Variants in IFT88 observed in about 807,000 individuals in gnomAD.
IFT88 encodes the protein intraflagellar transport protein 88 homolog.
A neutral mutation model predicts 119.5 loss-of-function variants in IFT88; 74 were observed. The ratio of observed to expected loss-of-function variants is 0.62; its 90% CI spans 0.51 to 0.75. The LOEUF is 0.75. Ranked by LOEUF, IFT88 falls within the 30% of genes least tolerant of loss-of-function variation. The pLI is 0.00. For synonymous variants in IFT88, 279 were observed against 316.7 expected (o/e 0.88, Z 1.26); for missense variants, 961 against 977.7 (o/e 0.98, Z 0.23).
At chr13:20,580,474 G>A (rs1046614974) in intron 2 of IFT88, among the ~76,000 whole-genome samples, 5 of 151,648 alleles carry the variant, frequency 3.3e-5, no homozygotes, top group African/African-American at 1.2e-4. Flanking sequence ...CCAAGATCAC[G>A]CCATTGCACA....
intron 1 of IFT88, among the ~76,000 whole-genome samples, chr13:20,568,983 G>GT (rs921592173): frequency 2.6e-5 from 4 of 152,090 alleles, no homozygotes; most frequent in Admixed American, 2.6e-4. Context: ...GCCTCCCAGA[G>GT]TGTTGGGATT....
At chr13:20,628,786 GTTTT>G (rs893023058) in intron 15 of IFT88, among the ~76,000 whole-genome samples, 3 of 152,100 alleles carry the variant, frequency 2.0e-5, no homozygotes, top group Non-Finnish European at 2.9e-5. Flanking sequence ...CCTTTGCCAA[GTTTT>G]TTAAGTAATG....
At position 20,691,231 on chromosome 13, in the gene IFT88, G is replaced by A; in HGVS notation, c.*56G>A. 2.7e-6 allele frequency: 4 copies of A among 1,481,844 alleles called. No individual in the cohort carries two copies. Among genetic ancestry groups the A allele is most frequent in the Non-Finnish European group, 3.7e-6 (4 of 1,086,238 alleles). 91.8% of individuals were successfully genotyped at this position (1,481,844 alleles called of 1,614,324 possible). ...AATTGCCTTATGAGATCATCCTCAT[G>A]TTAAACCTTGGATTAAATATCTAAC... On this transcript the variant is annotated 3_prime_UTR_variant, in exon 26 of 26. Transcript: ENST00000351808.
intron 24 of IFT88, among the ~76,000 whole-genome samples, chr13:20,689,143 A>T (rs2058240398): frequency 6.6e-6 from 1 of 152,158 alleles, no homozygotes; most frequent in Non-Finnish European, 1.5e-5. Flanking sequence ...CATGTTGCTC[A>T]GTCTGGCCCC....
At position 20,591,011 on chromosome 13, in the gene IFT88, G is replaced by A; in HGVS notation, c.255G>A (p.Gly85=). The A allele has an allele frequency of 6.2e-7, 1 of 1,608,096 alleles. No homozygotes were observed. The change falls in exon 5 of 26, where the codon GGG becomes GGA. Residue 85 remains glycine, a synonymous_variant. Coordinates refer to ENST00000351808, the MANE Select transcript of IFT88 (RefSeq NM_006531.5). ...LASSIGRPMT[G]AIQDGVTRPM... Reference sequence around the variant, plus strand: ...CATCAATAGGAAGACCAATGACAGGGGCTATTCAGGTATCTCTATTGGATG... The same window carrying A: ...CATCAATAGGAAGACCAATGACAGGAGCTATTCAGGTATCTCTATTGGATG...
At chr13:20,609,745 AAAAC>A (rs1344285298) in intron 13 of IFT88, among the ~76,000 whole-genome samples, 7 of 150,720 alleles carry the variant, frequency 4.6e-5, no homozygotes, top group Admixed American at 2.0e-4. Flanking sequence ...CTCTGTCTCA[AAAAC>A]AAACAAACAA....
intron 3 of IFT88, among the ~76,000 whole-genome samples, chr13:20,588,035 C>G (rs1282773645): frequency 8.8e-6 from 1 of 113,000 alleles, no homozygotes; most frequent in African/African-American, 3.4e-5. Context: ...ATTTCATTTT[C>G]TCTCCTTACT....
In IFT88 at chr13:20,588,176, A is replaced by G. The variant is rs376868495; in HGVS notation, c.154-1635A>G. On this transcript the variant is annotated intron_variant, in intron 3 of 25. Transcript: ENST00000351808. ...ACTCATCTCTAACTTTTTAAAGTCTAGTATAAATTAACAGTTTTACTACTG... is the reference window on the plus strand; with the variant it reads ...ACTCATCTCTAACTTTTTAAAGTCTGGTATAAATTAACAGTTTTACTACTG... 2.3e-3 allele frequency among the ~76,000 whole-genome samples: 356 copies of G among 152,176 alleles called. 1 individual carries two copies. Among genetic ancestry groups the G allele is most frequent in the South Asian group, 0.017 (82 of 4,828 alleles).
At chr13:20,602,230 A>G (rs12865114) in intron 12 of IFT88, among the ~76,000 whole-genome samples, 55,621 of 128,512 alleles carry the variant, frequency 0.43, 12,977 homozygotes, top group Middle Eastern at 0.61. Context: ...TTTTTTTGAG[A>G]CAGAGAGCCT....
chr13:20,609,850 C>T (rs940673179), intron 13 of IFT88, among the ~76,000 whole-genome samples: 3 of 152,134 alleles, frequency 2.0e-5, no homozygotes, highest in Non-Finnish European at 4.4e-5. Flanking sequence ...CAGTAGGTAA[C>T]CCTGAGTGCT....
chr13:20,657,098 C>T (rs531157873), intron 22 of IFT88, among the ~76,000 whole-genome samples: 37 of 152,156 alleles, frequency 2.4e-4, no homozygotes, highest in Admixed American at 2.0e-3. Flanking sequence ...CGTTGTGATC[C>T]GCCTACCTTG....
intron 22 of IFT88, among the ~76,000 whole-genome samples, chr13:20,662,169 A>G (rs1437815513): frequency 6.6e-6 from 1 of 152,202 alleles, no homozygotes; most frequent in Non-Finnish European, 1.5e-5. Context: ...TCTGCTGGTG[A>G]TACCCAGGCA....
rs560202607 is a variant in IFT88, at chr13:20,574,439, C to G, written c.54C>G (p.Ser18=). The G allele has an allele frequency of 6.2e-7, 1 of 1,610,008 alleles. No individual in the cohort carries two copies. Among genetic ancestry groups the G allele is most frequent in the South Asian group, 1.1e-5 (1 of 90,588 alleles). Residue 18 remains serine (S), a synonymous_variant, in exon 2 of 26, where the codon TCC becomes TCG. Coordinates refer to ENST00000351808, the MANE Select transcript of IFT88 (RefSeq NM_006531.5). ...APETDEDDLY[S]GYNDYNPIYD... The stretch of plus-strand genomic sequence containing the variant: ...AGACAGATGAAGATGATCTTTATTC[C>G]GGCTATAATGACTACAATCCAATCT...
chr13:20,644,376 C>T (rs1360701498), intron 19 of IFT88, among the ~76,000 whole-genome samples: 1 of 152,028 alleles, frequency 6.6e-6, no homozygotes, highest in Non-Finnish European at 1.5e-5. Flanking sequence ...TGTGGCATGC[C>T]TGTAATCCTA....
chr13:20,671,619 A>G (rs187615475), intron 24 of IFT88, among the ~76,000 whole-genome samples: 55 of 152,326 alleles, frequency 3.6e-4, no homozygotes, highest in African/African-American at 1.3e-3. Flanking sequence ...ATCATTACAT[A>G]ATAAGACATT....
intron 15 of IFT88, among the ~76,000 whole-genome samples, chr13:20,626,958 C>T (rs2047435709): frequency 6.6e-6 from 1 of 152,182 alleles, no homozygotes; most frequent in African/African-American, 2.4e-5. Flanking sequence ...TTCAGTTTAT[C>T]TTCCTATTTA....
At chr13:20,637,320 G>A (rs1283045729) in intron 16 of IFT88, among the ~76,000 whole-genome samples, 1 of 152,144 alleles carries the variant, frequency 6.6e-6, no homozygotes, top group Non-Finnish European at 1.5e-5. Context: ...AACGAGGGAC[G>A]GTCACTGTGA....
intron 14 of IFT88, among the ~76,000 whole-genome samples, chr13:20,624,665 C>T (rs998013995): frequency 4.6e-5 from 7 of 152,172 alleles, no homozygotes; most frequent in Admixed American, 4.6e-4. Flanking sequence ...TAAATTCTCT[C>T]TCTCTCACAC....
intron 25 of IFT88, 74 bp from the exon 26 acceptor site, chr13:20,690,980 T>C (rs2058413558): frequency 3.2e-6 from 5 of 1,555,060 alleles, no homozygotes. Flanking sequence ...TCATTTTGAC[T>C]ATGAGCCTGA....
Sources: gnomAD v4.1 joint callset for allele counts (sites outside exome capture counted in the v4.1 genomes callset) on GRCh38, gnomAD v4.1.1 for gene constraint, MANE v1.5 for transcripts, NCBI Gene and HGNC (gene_info 2026-07-23, HGNC 2026-07-21) for gene names.